Variants in TENM2 observed in about 807,000 individuals in gnomAD.
The protein encoded by TENM2 is teneurin transmembrane protein 2, also known as teneurin-2.
A neutral mutation model predicts 245.2 loss-of-function variants in TENM2; 52 were observed. That is an observed-to-expected ratio of 0.21 (90% CI 0.17 to 0.27). The LOEUF (loss-of-function observed/expected upper bound fraction) is 0.27. TENM2 is among the 10% of genes least tolerant of loss of function. TENM2 has a pLI of 1.00. For missense variants in TENM2, 3,046 were observed against 3,666.8 expected (o/e 0.83, Z 4.37); for synonymous variants, 1,363 against 1,438.9 (o/e 0.95, Z 1.19).
the TENM2 span, among the ~76,000 whole-genome samples, chr5:167,180,103 C>CTTTTTTTTTTTTTTTTTTTT: frequency 8.7e-5 from 10 of 114,958 alleles, no homozygotes; most frequent in African/African-American, 4.2e-4. Flanking sequence ...TAAGTGCTTC[C>CTTTTTTTTTTTTTTTTTTTT]TTTTTTTTTT....
At chr5:167,357,919 A>G (rs1283148280) in intron 1 of TENM2, among the ~76,000 whole-genome samples, 3 of 152,206 alleles carry the variant, frequency 2.0e-5, no homozygotes, top group South Asian at 4.1e-4. Flanking sequence ...TTCTGTGCCC[A>G]CATACTCCAC....
At chr5:167,340,494 C>G (rs1171458437) in intron 1 of TENM2, among the ~76,000 whole-genome samples, 2 of 152,208 alleles carry the variant, frequency 1.3e-5, no homozygotes, top group African/African-American at 4.8e-5. Context: ...TTGCTATGCC[C>G]TCAGATGACA....
chr5:167,950,363 T>C (rs1779986429), intron 3 of TENM2, among the ~76,000 whole-genome samples: 1 of 152,088 alleles, frequency 6.6e-6, no homozygotes. Context: ...TCAGAGTGAA[T>C]ACACAGGAAG....
chr5:167,386,991 G>T (rs1272973308), intron 2 of TENM2, among the ~76,000 whole-genome samples: 1 of 152,058 alleles, frequency 6.6e-6, no homozygotes, highest in Non-Finnish European at 1.5e-5. Context: ...TGGCTATGCT[G>T]ACTTTTTTTT....
intron 13 of TENM2, among the ~76,000 whole-genome samples, chr5:168,171,342 C>T (rs1048848893): frequency 1.3e-5 from 2 of 152,204 alleles, no homozygotes; most frequent in South Asian, 4.1e-4. Flanking sequence ...GAAGTTAAGA[C>T]TCAGAATAGC....
At chr5:167,181,466 T>TTGTGTGTGTGTGTGTG in the TENM2 span, among the ~76,000 whole-genome samples, 3 of 122,598 alleles carry the variant, frequency 2.4e-5, no homozygotes, top group African/African-American at 6.6e-5. Context: ...AGCCGCTCGT[T>TTGTGTGTGTGTGTGTG]TGTGTGTGTG....
intron 2 of TENM2, among the ~76,000 whole-genome samples, chr5:167,835,487 C>T (rs986297985): frequency 6.6e-6 from 1 of 152,186 alleles, no homozygotes; most frequent in Non-Finnish European, 1.5e-5. Flanking sequence ...AAGAGTTGCC[C>T]TCTGCCCCTC....
chr5:167,471,468 T>C (rs1047993655), intron 2 of TENM2, among the ~76,000 whole-genome samples: 3 of 152,098 alleles, frequency 2.0e-5, no homozygotes, highest in African/African-American at 7.2e-5. Flanking sequence ...AGAATAAAAG[T>C]AACGAAAGGT....
intron 2 of TENM2, among the ~76,000 whole-genome samples, chr5:167,777,236 A>G (rs2150808398): frequency 6.6e-6 from 1 of 152,340 alleles, no homozygotes; most frequent in South Asian, 2.1e-4. Flanking sequence ...AGCAAAGGAG[A>G]GAGAAGACAG....
chr5:168,061,932 C>T (rs1215434042), intron 6 of TENM2, 128 bp from the exon 9 acceptor site: 3 of 845,894 alleles, frequency 3.5e-6, no homozygotes, highest in Non-Finnish European at 5.3e-6. Context: ...TAAAAAGAAA[C>T]TTGCCATGAG....
chr5:167,785,684 T>C (rs988799267), intron 2 of TENM2, among the ~76,000 whole-genome samples: 1 of 152,222 alleles, frequency 6.6e-6, no homozygotes, highest in Non-Finnish European at 1.5e-5. Context: ...TCAGGTCTGC[T>C]CTGCCATAAT....
chr5:168,147,849 A>G (rs1756245246), intron 12 of TENM2, among the ~76,000 whole-genome samples: 1 of 152,156 alleles, frequency 6.6e-6, no homozygotes, highest in African/African-American at 2.4e-5. Context: ...ATCAAGACAC[A>G]TTGCAGGGCC....
At chr5:167,196,566 GTA>G in the TENM2 span, among the ~76,000 whole-genome samples, 3,818 of 142,920 alleles carry the variant, frequency 0.027, 72 homozygotes, top group African/African-American at 0.037. Context: ...ATATGTGTGT[GTA>G]TATATATATA....
At chr5:167,463,482 A>G (rs182059416) in intron 2 of TENM2, among the ~76,000 whole-genome samples, 2 of 151,276 alleles carry the variant, frequency 1.3e-5, no homozygotes, top group East Asian at 1.9e-4. Context: ...TTTTTTGAAT[A>G]CTAGAAGATA....
the TENM2 span, among the ~76,000 whole-genome samples, chr5:167,056,796 C>T: frequency 6.6e-6 from 1 of 150,488 alleles, no homozygotes; most frequent in Non-Finnish European, 1.5e-5. Flanking sequence ...TCCTCCTCCT[C>T]CTCCTCCTCT....
intron 2 of TENM2, among the ~76,000 whole-genome samples, chr5:167,459,214 A>G (rs1163752207): frequency 6.6e-6 from 1 of 152,152 alleles, no homozygotes; most frequent in African/African-American, 2.4e-5. Flanking sequence ...TTAACTCTTC[A>G]GGTACCTTAT....
At chr5:168,219,681 C>T (rs1195204501) in intron 23 of TENM2, among the ~76,000 whole-genome samples, 1 of 151,996 alleles carries the variant, frequency 6.6e-6, no homozygotes, top group Non-Finnish European at 1.5e-5. Flanking sequence ...CTGGCTGAGA[C>T]TGGAGCAGAA....
chr5:167,538,836 C>T (rs1468631983), intron 2 of TENM2, among the ~76,000 whole-genome samples: 4 of 152,162 alleles, frequency 2.6e-5, no homozygotes, highest in African/African-American at 4.8e-5. Context: ...CCTAATTTTA[C>T]ACTGGAAGGA....
chr5:167,965,386 A>G (rs1781315677), intron 4 of TENM2: 1 of 152,172 alleles, frequency 6.6e-6, no homozygotes, highest in African/African-American at 2.4e-5. Context: ...TATGTAGTAT[A>G]TCCAAAGCCC....
Sources: gnomAD v4.1 joint callset for allele counts (sites outside exome capture counted in the v4.1 genomes callset) on GRCh38, gnomAD v4.1.1 for gene constraint, MANE v1.5 for transcripts, NCBI Gene and HGNC (gene_info 2026-07-23, HGNC 2026-07-21) for gene names.